CDH4: variants seen among roughly 807,000 people sequenced by gnomAD.
CDH4 encodes cadherin 4.
A neutral mutation model predicts 86.0 loss-of-function variants in CDH4; 33 were observed. The observed-to-expected ratio is 0.38, with a 90% confidence interval of 0.29 to 0.51. The LOEUF is 0.51. Among genes scored for constraint, CDH4 ranks in the 20% least tolerant of loss-of-function variants. The pLI is 0.86. For missense variants in CDH4, 1,114 were observed against 1,307.4 expected, an observed-to-expected ratio of 0.85 and a Z score of 2.28; for synonymous variants, 555 against 549.4, an observed-to-expected ratio of 1.01 and a Z score of -0.14.
At chr20:61,333,641 C>T (rs1001518434) in intron 2 of CDH4, among the ~76,000 whole-genome samples, 1 of 152,240 alleles carries the variant, frequency 6.6e-6, no homozygotes, top group Non-Finnish European at 1.5e-5. Context: ...AGCCCTTACC[C>T]CGGGCCACAC....
intron 4 of CDH4, among the ~76,000 whole-genome samples, chr20:61,798,553 C>G (rs908161216): frequency 2.6e-5 from 4 of 152,224 alleles, no homozygotes; most frequent in South Asian, 2.1e-4. Context: ...GCTGCATGCT[C>G]TGTGTGGAGC....
intron 4 of CDH4, among the ~76,000 whole-genome samples, chr20:61,833,600 A>G (rs1981725079): frequency 8.1e-6 from 1 of 123,970 alleles, no homozygotes; most frequent in Admixed American, 8.0e-5. Flanking sequence ...TCAGTATTCA[A>G]CCCACATTAC....
chr20:61,631,795 A>T (rs1162847722), intron 2 of CDH4, among the ~76,000 whole-genome samples: 2 of 152,160 alleles, frequency 1.3e-5, no homozygotes, highest in African/African-American at 4.8e-5. Context: ...TCTACTGGGA[A>T]GTGGCTGAAG....
At chr20:61,785,851 T>G (rs1349193646) in intron 4 of CDH4, among the ~76,000 whole-genome samples, 1 of 152,222 alleles carries the variant, frequency 6.6e-6, no homozygotes, top group Non-Finnish European at 1.5e-5. Flanking sequence ...TGCTAGTGAA[T>G]TTTTAAGCCT....
At chr20:61,865,881 C>A (rs1016772014) in intron 6 of CDH4, among the ~76,000 whole-genome samples, 2 of 151,842 alleles carry the variant, frequency 1.3e-5, no homozygotes, top group African/African-American at 4.8e-5. Flanking sequence ...TAGCTGGCTT[C>A]CTGGCTGGTT....
At chr20:61,293,399 C>T (rs938393952) in intron 2 of CDH4, among the ~76,000 whole-genome samples, 8 of 152,120 alleles carry the variant, frequency 5.3e-5, no homozygotes, top group Non-Finnish European at 8.8e-5. Context: ...CACAGAGTCA[C>T]GTGACTACAG....
At chr20:61,883,937 C>T (rs937998307) in intron 7 of CDH4, among the ~76,000 whole-genome samples, 5 of 152,156 alleles carry the variant, frequency 3.3e-5, no homozygotes, top group Non-Finnish European at 7.4e-5. Context: ...AGCATCCCCA[C>T]CCCCCAACCC....
intron 2 of CDH4, among the ~76,000 whole-genome samples, chr20:61,313,741 A>T (rs1243974038): frequency 6.6e-6 from 1 of 152,154 alleles, no homozygotes; most frequent in Non-Finnish European, 1.5e-5. Flanking sequence ...CATTTTTGTT[A>T]TCATTTTTTG....
intron 4 of CDH4, among the ~76,000 whole-genome samples, chr20:61,803,035 A>G (rs1979915493): frequency 1.3e-5 from 2 of 152,176 alleles, no homozygotes; most frequent in South Asian, 2.1e-4. Context: ...ATTTACCAAC[A>G]GGTCTGGACA....
At chr20:61,737,597 C>G (rs879583) in intron 2 of CDH4, among the ~76,000 whole-genome samples, 27,057 of 152,174 alleles carry the variant, frequency 0.18, 2,513 homozygotes, top group South Asian at 0.25. Flanking sequence ...CCCCGGTGTT[C>G]AGTAAGTGTT....
At chr20:61,870,756 C>T (rs561142401) in intron 6 of CDH4, among the ~76,000 whole-genome samples, 129 of 152,272 alleles carry the variant, frequency 8.5e-4, no homozygotes, top group Non-Finnish European at 1.7e-3. Flanking sequence ...TCTGCCCTTT[C>T]GTAGAGATGG....
At chr20:61,556,455 A>C (rs1470051226) in intron 2 of CDH4, among the ~76,000 whole-genome samples, 1 of 152,190 alleles carries the variant, frequency 6.6e-6, no homozygotes, top group South Asian at 2.1e-4. Context: ...TGTTCTGCAC[A>C]CAGACTTTTG....
intron 2 of CDH4, among the ~76,000 whole-genome samples, chr20:61,332,957 G>T (rs904199512): frequency 1.3e-5 from 2 of 152,180 alleles, no homozygotes; most frequent in African/African-American, 4.8e-5. Flanking sequence ...GCCTCTTACA[G>T]CATTATCCTA....
At chr20:61,595,313 C>CAT (rs2086548951) in intron 2 of CDH4, among the ~76,000 whole-genome samples, 1 of 152,260 alleles carries the variant, frequency 6.6e-6, no homozygotes, top group African/African-American at 2.4e-5. Flanking sequence ...GCCTGCCCTA[C>CAT]CTGAGTGTCA....
rs2085823033 is a variant in CDH4 at position 61,516,596 on chromosome 20, G to C, written c.170-226967G>C. The stretch of plus-strand genomic sequence containing the variant: ...CAGCATCACAGAAAACAGTTTACAA[G>C]GTCATCTGGCAGAAAGCTCAGTGGC... On this transcript the variant is annotated intron_variant, in intron 2 of 15. Coordinates refer to ENST00000614565, the MANE Select transcript of CDH4 (RefSeq NM_001794.5). This position sits in a 1 kb window ranked among gnomAD's most constrained non-coding sequence, Gnocchi z 4.0. Among the ~76,000 whole-genome samples, 1 of 152,162 alleles carries C rather than the reference G, an allele frequency of 6.6e-6. No individual in the cohort carries two copies. The highest frequency in any genetic ancestry group is 1.5e-5 in the Non-Finnish European group (1 of 68,042).
At chr20:61,319,572 T>C (rs1355144885) in intron 2 of CDH4, among the ~76,000 whole-genome samples, 1 of 152,102 alleles carries the variant, frequency 6.6e-6, no homozygotes, top group Non-Finnish European at 1.5e-5. Context: ...CTGGATCATA[T>C]GGTAGGTGGT....
intron 9 of CDH4, among the ~76,000 whole-genome samples, chr20:61,913,884 G>A (rs913801253): frequency 2.6e-5 from 4 of 152,160 alleles, no homozygotes; most frequent in African/African-American, 4.8e-5. Context: ...GCTTGGCAGC[G>A]GGCCACCCTC....
At chr20:61,606,999 G>T (rs1285588529) in intron 2 of CDH4, among the ~76,000 whole-genome samples, 1 of 152,224 alleles carries the variant, frequency 6.6e-6, no homozygotes, top group African/African-American at 2.4e-5. Context: ...GGCTGAGGAG[G>T]GATAGAGCTG....
chr20:61,397,840 C>T (rs951000959), intron 2 of CDH4, among the ~76,000 whole-genome samples: 2 of 152,082 alleles, frequency 1.3e-5, no homozygotes, highest in Non-Finnish European at 2.9e-5. Flanking sequence ...TCCCATGTGC[C>T]CTGAAGTCTA....
Sources: allele counts gnomAD v4.1 joint callset (sites outside exome capture counted in the v4.1 genomes callset), GRCh38; gene constraint gnomAD v4.1.1; non-coding constraint Gnocchi (gnomAD v3.1); transcripts MANE v1.5; gene names NCBI Gene and HGNC (gene_info 2026-07-23, HGNC 2026-07-21).